Variants in CACNG2 observed in about 807,000 individuals in gnomAD.
CACNG2 encodes the protein calcium voltage-gated channel auxiliary subunit gamma 2, also known as voltage-dependent calcium channel gamma-2 subunit.
A neutral mutation model predicts 25.9 loss-of-function variants in CACNG2; 3 were observed. The ratio of observed to expected loss-of-function variants is 0.12; its 90% confidence interval spans 0.05 to 0.30. The LOEUF is 0.30. Among genes scored for constraint, CACNG2 ranks in the 10% least tolerant of loss-of-function variants. CACNG2 has a pLI of 1.00. For synonymous variants in CACNG2, 167 were observed against 173.3 expected (o/e 0.96, Z 0.29); for missense variants, 341 against 432.5 (o/e 0.79, Z 1.88).
rs112100620 is a variant in CACNG2 at position 36,698,299 on chromosome 22, T to A, written c.211+4067A>T. Among the ~76,000 whole-genome samples the A allele has an allele frequency of 9.1e-3, 1,379 of 152,346 alleles. 13 individuals carry two copies. Among genetic ancestry groups the A allele is most frequent in the Non-Finnish European group, 0.011 (760 of 68,032 alleles). Reference sequence around the variant, plus strand: ...CATCAATCCATTGATAAATATTTCTTATGCGCTTCCTGTGTGCAAAGTACC... The same window carrying A: ...CATCAATCCATTGATAAATATTTCTAATGCGCTTCCTGTGTGCAAAGTACC... On this transcript the variant is annotated intron_variant, in intron 1 of 3. Transcript: ENST00000300105.
chr22:36,645,627 T>C (rs1449727779), intron 1 of CACNG2, among the ~76,000 whole-genome samples: 2 of 152,078 alleles, frequency 1.3e-5, no homozygotes, highest in African/African-American at 4.8e-5. Context: ...AGTTTACTTA[T>C]TGGGCAGGGA....
chr22:36,703,608 G>C lies in CACNG2; in HGVS notation c.-1032C>G, dbSNP rs1014794653. ...CTCCCAGGGCCGCCCGCCAGGAGGGGGGCGCTGGCCAGAGTCCTCCCTCCC... is the reference window on the plus strand; with the variant it reads ...CTCCCAGGGCCGCCCGCCAGGAGGGCGGCGCTGGCCAGAGTCCTCCCTCCC... On this transcript the variant is annotated 5_prime_UTR_variant, in exon 1 of 4. Coordinates refer to ENST00000300105, the MANE Select transcript of CACNG2 (RefSeq NM_006078.5). 1 of 152,512 alleles carries C rather than the reference G, an allele frequency of 6.6e-6. No homozygotes were observed. The highest frequency in any genetic ancestry group is 2.4e-5 in the African/African-American group (1 of 41,402). 9.4% of individuals were successfully genotyped at this position (152,512 alleles called of 1,614,324 possible).
intron 1 of CACNG2, among the ~76,000 whole-genome samples, chr22:36,646,307 G>A (rs905496374): frequency 3.3e-5 from 5 of 151,894 alleles, no homozygotes; most frequent in South Asian, 2.1e-4. Flanking sequence ...GTGACATTAC[G>A]CCTGGCATAC....
At chr22:36,694,620 C>A (rs1025793749) in intron 1 of CACNG2, among the ~76,000 whole-genome samples, 1 of 152,124 alleles carries the variant, frequency 6.6e-6, no homozygotes, top group East Asian at 1.9e-4. Context: ...AGAGGTGGCA[C>A]TAGGGTATGG....
chr22:36,698,402 C>T (rs1213565306), intron 1 of CACNG2, among the ~76,000 whole-genome samples: 1 of 152,214 alleles, frequency 6.6e-6, no homozygotes, highest in Non-Finnish European at 1.5e-5. Flanking sequence ...CTTCCAGATT[C>T]AGCCCACCCA....
At chr22:36,661,966 CTT>C (rs71193254) in intron 1 of CACNG2, among the ~76,000 whole-genome samples, 126 of 44,488 alleles carry the variant, frequency 2.8e-3, no homozygotes, top group East Asian at 9.7e-3. Flanking sequence ...CATTGCTATT[CTT>C]TTTTTTTTTT....
chr22:36,642,163 G>T (rs1281409469), intron 1 of CACNG2, among the ~76,000 whole-genome samples: 1 of 152,200 alleles, frequency 6.6e-6, no homozygotes, highest in Non-Finnish European at 1.5e-5. Context: ...AGGGGAGGAG[G>T]TTGGGGAGAG....
chr22:36,594,764 C>T (rs533767736), intron 1 of CACNG2, among the ~76,000 whole-genome samples: 57 of 122,598 alleles, frequency 4.6e-4, no homozygotes, highest in African/African-American at 1.7e-3. Context: ...TATGTGTGTG[C>T]GTGCATGGGT....
intron 1 of CACNG2, among the ~76,000 whole-genome samples, chr22:36,589,866 G>A (rs1381297215): frequency 2.0e-5 from 3 of 152,186 alleles, no homozygotes; most frequent in Non-Finnish European, 4.4e-5. Context: ...CAGCTGCTAA[G>A]AGGATAACAA....
intron 1 of CACNG2, among the ~76,000 whole-genome samples, chr22:36,599,653 T>C (rs1410777355): frequency 2.0e-5 from 3 of 152,160 alleles, no homozygotes. Flanking sequence ...TGAGCCATGA[T>C]CATGCTACTG....
chr22:36,620,097 C>G (rs1465953857), intron 1 of CACNG2, among the ~76,000 whole-genome samples: 1 of 152,246 alleles, frequency 6.6e-6, no homozygotes, highest in Non-Finnish European at 1.5e-5. Context: ...TGCATACACA[C>G]ACACACACAG....
intron 2 of CACNG2, among the ~76,000 whole-genome samples, chr22:36,582,114 T>C (rs557197563): frequency 2.0e-5 from 3 of 152,358 alleles, no homozygotes; most frequent in Admixed American, 6.5e-5. Flanking sequence ...CCTGCCTAAA[T>C]TATAGCAACA....
Position 36,561,082 on chromosome 22 carries a change from C to A in CACNG2, c.*3269G>T. ...GCCCTTGCAGTTCCGGTCCTGGCTC[C>A]TTCCCTCCGGACCCCCTAGCCCCTT... On this transcript the variant is annotated 3_prime_UTR_variant, in exon 4 of 4. Coordinates refer to ENST00000300105, the MANE Select transcript of CACNG2 (RefSeq NM_006078.5). The A allele has an allele frequency of 6.6e-6, 1 of 152,430 alleles. No homozygotes were observed. Among genetic ancestry groups the A allele is most frequent in the Non-Finnish European group, 1.5e-5 (1 of 68,126 alleles). 9.4% of individuals were successfully genotyped at this position (152,430 alleles called of 1,614,324 possible).
intron 1 of CACNG2, among the ~76,000 whole-genome samples, chr22:36,627,851 T>C (rs1936207133): frequency 6.6e-6 from 1 of 151,954 alleles, no homozygotes; most frequent in Admixed American, 6.6e-5. Flanking sequence ...TGTCACCTGA[T>C]AACTTCTTTG....
At chr22:36,582,124 A>G (rs1243771194) in intron 2 of CACNG2, among the ~76,000 whole-genome samples, 1 of 152,232 alleles carries the variant, frequency 6.6e-6, no homozygotes, top group African/African-American at 2.4e-5. Flanking sequence ...TTATAGCAAC[A>G]GAGTTTTAAC....
intron 2 of CACNG2, among the ~76,000 whole-genome samples, chr22:36,580,327 C>T (rs565636875): frequency 9.2e-5 from 14 of 152,298 alleles, no homozygotes; most frequent in Admixed American, 9.1e-4. Flanking sequence ...CTTGGTTCCA[C>T]TCCTGCTGTT....
chr22:36,646,324 A>T (rs1260565110), intron 1 of CACNG2, among the ~76,000 whole-genome samples: 2 of 152,238 alleles, frequency 1.3e-5, no homozygotes, highest in Non-Finnish European at 2.9e-5. Flanking sequence ...ATACTAAAAA[A>T]AAAGTTCACT....
intron 1 of CACNG2, among the ~76,000 whole-genome samples, chr22:36,690,362 TTC>T (rs987242024): frequency 8.7e-4 from 68 of 77,770 alleles, no homozygotes; most frequent in Non-Finnish European, 1.9e-3. Flanking sequence ...ATCTTTTTTT[TTC>T]CCCCCAAGGA....
At chr22:36,566,212 C>G in intron 3 of CACNG2, 141 bp downstream of exon 3, 1 of 849,320 alleles carries the variant, frequency 1.2e-6, no homozygotes, top group Non-Finnish European at 1.9e-6. Flanking sequence ...CACCACCTTC[C>G]TCCCCTGCAA....
Sources: gnomAD v4.1 joint callset for allele counts (sites outside exome capture counted in the v4.1 genomes callset) on GRCh38, gnomAD v4.1.1 for gene constraint, MANE v1.5 for transcripts, NCBI Gene and HGNC (gene_info 2026-07-23, HGNC 2026-07-21) for gene names.